Variants in ST18 observed in about 807,000 individuals in gnomAD.
ST18 encodes ST18 C2H2C-type zinc finger transcription factor.
A neutral mutation model predicts 110.0 loss-of-function variants in ST18; 50 were observed. That is an observed-to-expected ratio of 0.45 (90% CI 0.36 to 0.58). ST18 has a LOEUF of 0.58. Among genes scored for constraint, ST18 ranks in the 20% least tolerant of loss-of-function variants. ST18 has a pLI of 0.00. For synonymous variants in ST18, 461 were observed against 452.4 expected, an observed-to-expected ratio of 1.02 and a Z score of -0.24; for missense variants, 1,306 against 1,280.1, an observed-to-expected ratio of 1.02 and a Z score of -0.31.
intron 16 of ST18, among the ~76,000 whole-genome samples, chr8:52,143,970 C>A (rs1172047235): frequency 2.0e-5 from 3 of 152,044 alleles, no homozygotes; most frequent in Admixed American, 2.0e-4. Context: ...TCTGAAATTA[C>A]TTCTTTTGCT....
chr8:52,270,053 C>T (rs1425099154), intron 2 of ST18, among the ~76,000 whole-genome samples: 11 of 151,950 alleles, frequency 7.2e-5, no homozygotes, highest in East Asian at 1.9e-4. Flanking sequence ...TTCCCATCCC[C>T]GACACATGTA....
chr8:52,184,456 C>G (rs1186912545), intron 8 of ST18, among the ~76,000 whole-genome samples: 2 of 152,138 alleles, frequency 1.3e-5, no homozygotes, highest in Non-Finnish European at 2.9e-5. Context: ...ATACCTTTTA[C>G]TTAGAAACTT....
chr8:52,323,806 C>T (rs565390639), intron 2 of ST18, among the ~76,000 whole-genome samples: 8 of 152,152 alleles, frequency 5.3e-5, no homozygotes, highest in Admixed American at 1.3e-4. Flanking sequence ...CTTCAGTGCT[C>T]GCTCTTCTCA....
chr8:52,161,293 A>G (rs2061392458), intron 14 of ST18, 82 bp downstream of exon 14: 10 of 1,433,030 alleles, frequency 7.0e-6, no homozygotes, highest in Non-Finnish European at 9.5e-6. Context: ...ATATTTAAGT[A>G]CAGCCCCCTG....
intron 2 of ST18, among the ~76,000 whole-genome samples, chr8:52,307,842 C>T (rs867797554): frequency 1.8e-4 from 28 of 152,074 alleles, no homozygotes; most frequent in African/African-American, 6.3e-4. Flanking sequence ...ATATCTTGCA[C>T]GTATAACTTG....
intron 2 of ST18, among the ~76,000 whole-genome samples, chr8:52,264,625 T>G (rs929942733): frequency 1.3e-5 from 2 of 152,214 alleles, no homozygotes; most frequent in African/African-American, 4.8e-5. Context: ...TTTGAATGAT[T>G]AGAATTCTGT....
At chr8:52,304,393 G>A (rs370947808) in intron 2 of ST18, among the ~76,000 whole-genome samples, 2 of 152,226 alleles carry the variant, frequency 1.3e-5, no homozygotes, top group East Asian at 1.9e-4. Context: ...AAAGTAAAGA[G>A]AGAAACAATA....
chr8:52,133,394 T>A, intron 19 of ST18, 93 bp from the exon 20 acceptor site: 1 of 1,447,172 alleles, frequency 6.9e-7, no homozygotes, highest in African/African-American at 1.4e-5. Flanking sequence ...AGTAATCACA[T>A]TAATGTTCCA....
intron 2 of ST18, among the ~76,000 whole-genome samples, chr8:52,273,691 T>A (rs749553039): frequency 6.1e-4 from 93 of 152,238 alleles, no homozygotes; most frequent in Non-Finnish European, 7.2e-4. Flanking sequence ...ACTAATTTAA[T>A]TTTCCATAAG....
At chr8:52,159,324 C>T (rs6473690) in intron 14 of ST18, among the ~76,000 whole-genome samples, 42,492 of 151,936 alleles carry the variant, frequency 0.28, 8,486 homozygotes, top group African/African-American at 0.57. Context: ...GAGAGAATAC[C>T]TATTCTCTTA....
chr8:52,174,919 G>T (rs1328151799), intron 9 of ST18, among the ~76,000 whole-genome samples: 1 of 152,122 alleles, frequency 6.6e-6, no homozygotes, highest in African/African-American at 2.4e-5. Context: ...TGGGGTGCTT[G>T]TTTCTCCCAG....
In ST18 at chr8:52,161,486, C is replaced by G. The variant is rs2061442810; in HGVS notation, c.1483G>C (p.Glu495Gln). 1 of 1,614,218 alleles carries G rather than the reference C, an allele frequency of 6.2e-7. No individual in the cohort carries two copies. The highest frequency in any genetic ancestry group is 8.5e-7 in the Non-Finnish European group (1 of 1,180,032). The change falls in exon 14 of 26, where the codon GAG (glutamate) becomes CAG (glutamine). Residue 495 changes from glutamate to glutamine, a missense_variant. Coordinates refer to ENST00000689386, the MANE Select transcript of ST18 (RefSeq NM_001352837.2). ...SPRATVSKEQEKFGKVPFDYA... is the reference protein window; with the variant it reads ...SPRATVSKEQQKFGKVPFDYA... Reference sequence around the variant, plus strand: ...TCAAATGGTACTTTTCCAAACTTCTCTTGTTCTTTTGACACTGTGGCTCTG... The same window carrying G: ...TCAAATGGTACTTTTCCAAACTTCTGTTGTTCTTTTGACACTGTGGCTCTG...
chr8:52,214,373 G>T, intron 6 of ST18, 116 bp from the exon 7 acceptor site: 2 of 1,058,210 alleles, frequency 1.9e-6, no homozygotes, highest in Non-Finnish European at 2.8e-6. Flanking sequence ...CCATGCTCTT[G>T]ACTCACAGCC....
At chr8:52,384,614 C>T (rs1313398687) in intron 2 of ST18, among the ~76,000 whole-genome samples, 1 of 152,166 alleles carries the variant, frequency 6.6e-6, no homozygotes, top group Non-Finnish European at 1.5e-5. Context: ...AACTCTCTCA[C>T]CAATCTACAA....
chr8:52,132,207 C>T, intron 21 of ST18, 28 bp from the exon 22 acceptor site: 1 of 1,584,510 alleles, frequency 6.3e-7, no homozygotes, highest in Non-Finnish European at 8.6e-7. Context: ...ACATTACCAG[C>T]CAGGAAGAAG....
intron 22 of ST18, among the ~76,000 whole-genome samples, chr8:52,128,346 G>T (rs541648139): frequency 6.6e-6 from 1 of 152,254 alleles, no homozygotes; most frequent in African/African-American, 2.4e-5. Context: ...GAACATAATT[G>T]CTTACAATAT....
At position 52,316,060 on chromosome 8, in the gene ST18, G is replaced by T. The variant is rs370225388; in HGVS notation, c.-464-85983C>A. On this transcript the variant is annotated intron_variant, in intron 2 of 25. Transcript: ENST00000689386. ...GGTGTTTTGTATTTTTAGGTGAAAG[G>T]TATCAATTGTGCATATCCTACAACT... Among the ~76,000 whole-genome samples, 5 of 152,136 alleles carry T rather than the reference G, an allele frequency of 3.3e-5. No homozygotes were observed. In the East Asian group the frequency reaches 9.6e-4, roughly 29 times the overall value.
intron 8 of ST18, among the ~76,000 whole-genome samples, chr8:52,198,550 C>T (rs941685420): frequency 1.3e-5 from 2 of 152,192 alleles, no homozygotes; most frequent in Non-Finnish European, 2.9e-5. Flanking sequence ...AACTCGCTAA[C>T]ATACTGGAGT....
At position 52,133,710 on chromosome 8, in the gene ST18, AATTATTATT is replaced by A. The variant is rs10547451; in HGVS notation, c.2301-418_2301-410del. Among the ~76,000 whole-genome samples, 375 of 147,970 alleles carry A rather than the reference AATTATTATT, an allele frequency of 2.5e-3. 2 individuals carry two copies. Among genetic ancestry groups the A allele is most frequent in the African/African-American group, 6.9e-3 (275 of 40,122 alleles). On this transcript the variant is annotated intron_variant, in intron 19 of 25. Transcript: ENST00000689386. Reference sequence around the variant, plus strand: ...TTTATGTAAAAAGAAAAGTTTTCCAAATTATTATTATTATTATTATTATTATTATTGTTA... The same window carrying A: ...TTTATGTAAAAAGAAAAGTTTTCCAAATTATTATTATTATTATTATTGTTA...
Sources: allele counts gnomAD v4.1 joint callset (sites outside exome capture counted in the v4.1 genomes callset), GRCh38; gene constraint gnomAD v4.1.1; transcripts MANE v1.5; gene names NCBI Gene and HGNC (gene_info 2026-07-23, HGNC 2026-07-21).